The following KDM4C variants were observed in gnomAD, a reference collection of about 807,000 sequenced individuals.
KDM4C encodes the protein lysine-specific demethylase 4C.
KDM4C carries 81 observed loss-of-function variants against 129.3 expected under a neutral mutation model. The observed-to-expected ratio is 0.63, with a 90% CI of 0.52 to 0.75. KDM4C has a LOEUF of 0.75. Among genes scored for constraint, KDM4C ranks in the 30% least tolerant of loss-of-function variants. The pLI is 0.00. For synonymous variants in KDM4C, 573 were observed against 456.1 expected (o/e 1.26, Z -3.26); for missense variants, 1,457 against 1,304.0 (o/e 1.12, Z -1.81).
intron 17 of KDM4C, among the ~76,000 whole-genome samples, chr9:7,095,479 A>G (rs762121689): frequency 1.3e-5 from 2 of 152,026 alleles, no homozygotes; most frequent in East Asian, 1.9e-4. Context: ...CATAATGCCA[A>G]TAGCAAATCA....
In KDM4C at chr9:6,886,322, C is replaced by CT. The variant is rs767744199; in HGVS notation, c.680-1624dup. ...TTTATTGAACTTCCTTCCTTCCTAT[C>CT]TTTTTTTTTTTTTTGGAGTCTCTCT... On this transcript the variant is annotated intron_variant, in intron 6 of 21. Transcript: ENST00000381309. Among the ~76,000 whole-genome samples the CT allele has an allele frequency of 4.9e-3, 690 of 142,160 alleles. 5 individuals carry two copies. The highest frequency in any genetic ancestry group is 0.013 in the African/African-American group (524 of 39,148). 93.3% of individuals were successfully genotyped at this position (142,160 alleles called of 152,430 possible).
At chr9:6,813,568 C>G (rs1009621206) in intron 3 of KDM4C, among the ~76,000 whole-genome samples, 1 of 152,174 alleles carries the variant, frequency 6.6e-6, no homozygotes, top group Non-Finnish European at 1.5e-5. Context: ...TATAGGGATT[C>G]TACTACTGCT....
At chr9:6,825,722 C>A (rs1833767711) in intron 4 of KDM4C, among the ~76,000 whole-genome samples, 2 of 152,108 alleles carry the variant, frequency 1.3e-5, no homozygotes. Flanking sequence ...TGGCCTATTG[C>A]TTTTGTTATC....
At chr9:6,888,099 T>C in intron 7 of KDM4C, 36 bp downstream of exon 7, 1 of 1,155,548 alleles carries the variant, frequency 8.7e-7, no homozygotes, top group Non-Finnish European at 1.2e-6. Context: ...ATTAATTTTG[T>C]TTGTGTAGGA....
chr9:7,142,591 C>A (rs527740780), intron 19 of KDM4C, among the ~76,000 whole-genome samples: 1 of 152,048 alleles, frequency 6.6e-6, no homozygotes, highest in Non-Finnish European at 1.5e-5. Context: ...ATTCATTTAC[C>A]TTTTTTAAAG....
chr9:6,784,661 G>T (rs900451918), intron 1 of KDM4C, among the ~76,000 whole-genome samples: 1 of 152,240 alleles, frequency 6.6e-6, no homozygotes, highest in Admixed American at 6.5e-5. Flanking sequence ...CAGCAGGCAG[G>T]TGGAACAAGA....
At chr9:6,843,465 C>A (rs1588645802) in intron 4 of KDM4C, among the ~76,000 whole-genome samples, 2 of 152,344 alleles carry the variant, frequency 1.3e-5, no homozygotes, top group African/African-American at 4.8e-5. Flanking sequence ...AGCCTTAGGG[C>A]TTTCTCCACT....
intron 2 of KDM4C, among the ~76,000 whole-genome samples, chr9:6,794,907 A>G (rs1425346352): frequency 6.6e-6 from 1 of 152,198 alleles, no homozygotes; most frequent in Non-Finnish European, 1.5e-5. Flanking sequence ...TCATCGTCCA[A>G]CTTGAGATGG....
intron 1 of KDM4C, among the ~76,000 whole-genome samples, chr9:6,787,903 C>A (rs1366334644): frequency 6.6e-6 from 1 of 152,236 alleles, no homozygotes; most frequent in Non-Finnish European, 1.5e-5. Flanking sequence ...ACCCCAGGAT[C>A]AGTTCCCATC....
chr9:7,149,113 C>T (rs1051025559), intron 19 of KDM4C, among the ~76,000 whole-genome samples: 1 of 152,210 alleles, frequency 6.6e-6, no homozygotes, highest in Non-Finnish European at 1.5e-5. Flanking sequence ...ATGCCCATGC[C>T]GAGCCGCCCT....
At chr9:7,060,981 T>C (rs1203223629) in intron 17 of KDM4C, among the ~76,000 whole-genome samples, 2 of 152,214 alleles carry the variant, frequency 1.3e-5, no homozygotes, top group East Asian at 3.8e-4. Flanking sequence ...TGTCTGTCTG[T>C]ATCTCTCAAT....
intron 8 of KDM4C, among the ~76,000 whole-genome samples, chr9:6,938,460 C>T (rs1399772503): frequency 6.6e-6 from 1 of 152,182 alleles, no homozygotes; most frequent in African/African-American, 2.4e-5. Context: ...AGTAGTATAA[C>T]AGTGGCAAAG....
At chr9:6,967,819 A>T (rs1279644712) in intron 8 of KDM4C, among the ~76,000 whole-genome samples, 1 of 152,190 alleles carries the variant, frequency 6.6e-6, no homozygotes, top group African/African-American at 2.4e-5. Context: ...TTATATTGTG[A>T]GTTTTTAGCA....
intron 18 of KDM4C, among the ~76,000 whole-genome samples, chr9:7,125,138 T>C (rs10118268): frequency 0.1 from 15,804 of 152,108 alleles, 1,691 homozygotes; most frequent in East Asian, 0.3. Flanking sequence ...CCCTGACCCC[T>C]GCTCCCCGGG....
At chr9:7,107,101 G>C (rs1473111753) in intron 18 of KDM4C, among the ~76,000 whole-genome samples, 2 of 152,134 alleles carry the variant, frequency 1.3e-5, no homozygotes, top group Non-Finnish European at 2.9e-5. Context: ...CAGATGTAAG[G>C]TCTCCTTCAT....
At chr9:6,867,625 C>G (rs1842243415) in intron 5 of KDM4C, among the ~76,000 whole-genome samples, 1 of 152,124 alleles carries the variant, frequency 6.6e-6, no homozygotes, top group Non-Finnish European at 1.5e-5. Context: ...TTTATTAATG[C>G]TTGATGCTGT....
rs755150270 is a variant in KDM4C at position 6,990,396 on chromosome 9, C to T, written c.1678-20C>T. ...GTTTTTGATAATGGTATTTCTCCAC[C>T]ATTTTTGTTCTATAACTAGATAGCA... On this transcript the variant is annotated intron_variant, in intron 11 of 21. Transcript: ENST00000381309. 4 of 1,502,642 alleles carry T rather than the reference C, an allele frequency of 2.7e-6. No homozygotes were observed. The highest frequency in any genetic ancestry group is 3.7e-6 in the Non-Finnish European group (4 of 1,080,746). The allele number at this position is 1,502,642 out of a possible 1,614,324, so 93.1% of individuals were successfully genotyped here. A position where few individuals can be genotyped will look rare whatever the true frequency, so the allele number is the denominator to read the frequency against.
Position 7,174,833 on chromosome 9 carries a change from G to A in KDM4C, c.*104G>A. On this transcript the variant is annotated 3_prime_UTR_variant, in exon 22 of 22. Transcript: ENST00000381309. The stretch of plus-strand genomic sequence containing the variant: ...GTGAGTTTTGCTGGCATAGGTGACA[G>A]GGTGTGTCTCTGACAGTGGTAAATC... 1.0e-6 allele frequency: 1 copy of A among 980,452 alleles called. No individual in the cohort carries two copies. Among genetic ancestry groups the A allele is most frequent in the East Asian group, 2.4e-5 (1 of 41,716 alleles). 60.7% of individuals were successfully genotyped at this position (980,452 alleles called of 1,614,324 possible).
intron 8 of KDM4C, chr9:6,975,062 G>A (rs1203989195): frequency 6.6e-6 from 1 of 152,156 alleles, no homozygotes; most frequent in Non-Finnish European, 1.5e-5. Context: ...TATTTGAACA[G>A]TGCTCTCATG....
Sources: gnomAD v4.1 joint callset for allele counts (sites outside exome capture counted in the v4.1 genomes callset) on GRCh38, gnomAD v4.1.1 for gene constraint, MANE v1.5 for transcripts, NCBI Gene and HGNC (gene_info 2026-07-23, HGNC 2026-07-21) for gene names.